PPP1CC: variants seen among roughly 807,000 people sequenced by gnomAD.
The protein encoded by PPP1CC is serine/threonine-protein phosphatase PP1-gamma catalytic subunit.
A neutral mutation model predicts 38.4 loss-of-function variants in PPP1CC; 16 were observed. That is an observed-to-expected ratio of 0.42 (90% CI 0.28 to 0.63). The LOEUF (loss-of-function observed/expected upper bound fraction) is 0.63, where lower values mean the gene tolerates loss of function less well. Among genes scored for constraint, PPP1CC ranks in the 30% least tolerant of loss-of-function variants. The pLI is 0.25. For missense variants in PPP1CC, 170 were observed against 391.3 expected (o/e 0.43, Z 4.77); for synonymous variants, 158 against 136.0 (o/e 1.16, Z -1.13).
At chr12:110,717,425 GCT>G (rs112755036), downstream of PPP1CC, among the ~76,000 whole-genome samples, 2,915 of 152,154 alleles carry the variant, frequency 0.019, 74 homozygotes, top group African/African-American at 0.061. Context: ...TAAGAGTCTC[GCT>G]CTGTCGCCCA....
chr12:110,720,026 G>A lies in PPP1CC; in HGVS notation c.*1050C>T. 1 of 947,222 alleles carries A rather than the reference G, an allele frequency of 1.1e-6. No individual in the cohort carries two copies. The highest frequency in any genetic ancestry group is 1.6e-5 in the South Asian group (1 of 60,826). 58.7% of individuals were successfully genotyped at this position (947,222 alleles called of 1,614,324 possible). ...TTAGTTTAAAAAAGTCATAGGTACTGTGAGTTCTGTATAAACTGGTGGACA... is the reference window on the plus strand; with the variant it reads ...TTAGTTTAAAAAAGTCATAGGTACTATGAGTTCTGTATAAACTGGTGGACA... On this transcript the variant is annotated 3_prime_UTR_variant, in exon 7 of 7. Coordinates refer to ENST00000335007, the MANE Select transcript of PPP1CC (RefSeq NM_002710.4).
chr12:110,708,759 A>C, the PPP1CC span, among the ~76,000 whole-genome samples: 1 of 151,986 alleles, frequency 6.6e-6, no homozygotes, highest in East Asian at 1.9e-4. Context: ...TGAGACAGGA[A>C]AATTGCTTGA....
At chr12:110,735,140 A>G (rs1297091411) in intron 1 of PPP1CC, among the ~76,000 whole-genome samples, 17 of 149,390 alleles carry the variant, frequency 1.1e-4, no homozygotes, top group Non-Finnish European at 2.4e-4. Context: ...TGCAACCTCC[A>G]CCTCCTGGGT....
In PPP1CC at chr12:110,731,816, G is replaced by A. The variant is rs969787797; in HGVS notation, c.141C>T (p.Leu47=). The A allele has an allele frequency of 1.9e-6, 3 of 1,613,590 alleles. No homozygotes were observed. The stretch of plus-strand genomic sequence containing the variant: ...CAAGTTCTAGTAGGATAGGCTGACT[G>A]AGAAAGATTTCACGAGACTTTAAGC... The part of the protein sequence containing the change: ...GLCLKSREIF[L]SQPILLELEA... Residue 47 remains leucine, a synonymous_variant, in exon 2 of 7, where the codon CTC becomes CTT. Coordinates refer to ENST00000335007, the MANE Select transcript of PPP1CC (RefSeq NM_002710.4).
the PPP1CC span, among the ~76,000 whole-genome samples, chr12:110,712,627 A>C: frequency 2.3e-5 from 3 of 131,012 alleles, no homozygotes; most frequent in Middle Eastern, 4.0e-3. Context: ...GCGACAGAGA[A>C]ACTGTCTCAA....
chr12:110,722,739 T>C lies in PPP1CC; in HGVS notation c.524-44A>G, dbSNP rs750776699. The C allele has an allele frequency of 6.7e-7, 1 of 1,490,260 alleles. No individual in the cohort carries two copies. The highest frequency in any genetic ancestry group is 9.1e-7 in the Non-Finnish European group (1 of 1,096,994). The allele number at this position is 1,490,260 out of a possible 1,614,324, so 92.3% of individuals were successfully genotyped here. A position where few individuals can be genotyped will look rare whatever the true frequency, so the allele number is the denominator to read the frequency against. On this transcript the variant is annotated intron_variant, in intron 4 of 6. Transcript: ENST00000335007. The surrounding 1 kb of genome is among the most constrained non-coding windows in gnomAD (Gnocchi z 5.4). Reference sequence around the variant, plus strand: ...AAAAAAATGAAGAAAGCAGAACTTTTAAAAGGATACTACCCCTTCAAAAGT... The same window carrying C: ...AAAAAAATGAAGAAAGCAGAACTTTCAAAAGGATACTACCCCTTCAAAAGT...
Position 110,720,343 on chromosome 12 carries a change from G to A in PPP1CC, c.*733C>T. On this transcript the variant is annotated 3_prime_UTR_variant, in exon 7 of 7. Coordinates refer to ENST00000335007, the MANE Select transcript of PPP1CC (RefSeq NM_002710.4). ...AAACCTGTTTTTGAATCCCCAAGAA[G>A]GCAGCATGTGTATACAACCATACCA... 1.5e-6 allele frequency: 1 copy of A among 688,720 alleles called. No individual in the cohort carries two copies. Among genetic ancestry groups the A allele is most frequent in the Non-Finnish European group, 2.5e-6 (1 of 406,666 alleles). 42.7% of individuals were successfully genotyped at this position (688,720 alleles called of 1,614,324 possible).
chr12:110,730,625 G>A lies in PPP1CC; in HGVS notation c.322C>T (p.Leu108=), dbSNP rs1384152039. The change falls in exon 3 of 7, where the codon CTG becomes TTG. Residue 108 remains leucine, a synonymous_variant. Coordinates refer to ENST00000335007, the MANE Select transcript of PPP1CC (RefSeq NM_002710.4). ...TCAGGATATTTTATTTTGTAGGCCA[G>A]TAAGAGGCAGATCGTCTCCAATGAC... is the stretch of plus-strand genomic sequence containing the variant. ...KQSLETICLL[L]AYKIKYPENF... 2.5e-6 allele frequency: 4 copies of A among 1,614,068 alleles called. No individual in the cohort carries two copies. Among genetic ancestry groups the A allele is most frequent in the Admixed American group, 3.3e-5 (2 of 59,998 alleles).
intron 4 of PPP1CC, among the ~76,000 whole-genome samples, chr12:110,723,954 T>C (rs947502785): frequency 3.3e-5 from 5 of 152,156 alleles, no homozygotes; most frequent in African/African-American, 1.2e-4. Context: ...AAAAACACTC[T>C]TCTGCCGGGC....
intron 6 of PPP1CC, chr12:110,721,733 A>C (rs2069741301): frequency 4.3e-6 from 1 of 230,574 alleles, no homozygotes; most frequent in Non-Finnish European, 8.4e-6. Context: ...ATGTCATGGT[A>C]CATTAACAGA....
At chr12:110,713,415 G>T in the PPP1CC span, among the ~76,000 whole-genome samples, 2 of 152,120 alleles carry the variant, frequency 1.3e-5, no homozygotes, top group Non-Finnish European at 2.9e-5. Flanking sequence ...TTACAGGCGT[G>T]AGCCACCGTG....
intron 1 of PPP1CC, among the ~76,000 whole-genome samples, chr12:110,736,536 C>T (rs150428123): frequency 6.4e-4 from 98 of 152,066 alleles, no homozygotes; most frequent in African/African-American, 2.3e-3. Context: ...CCCAGCTACT[C>T]GGGAGGCTAA....
rs1040558453 is a variant in PPP1CC, at chr12:110,720,818, C to A, written c.*258G>T. On this transcript the variant is annotated 3_prime_UTR_variant, in exon 7 of 7. Transcript: ENST00000335007. ...ACAGGATAAACTGTCCTGGGGTGTA[C>A]AGCTTTAACACCATCATTAAAATTG... 2.3e-5 allele frequency: 8 copies of A among 353,902 alleles called. No individual in the cohort carries two copies. The highest frequency in any genetic ancestry group is 6.9e-5 in the South Asian group (2 of 28,890). The allele number at this position is 353,902 out of a possible 1,614,324, so 21.9% of individuals were successfully genotyped here. A position where few individuals can be genotyped will look rare whatever the true frequency, so the allele number is the denominator to read the frequency against.
intron 2 of PPP1CC, among the ~76,000 whole-genome samples, chr12:110,730,973 T>C (rs1208207940): frequency 3.3e-5 from 5 of 152,236 alleles, no homozygotes; most frequent in African/African-American, 1.2e-4. Flanking sequence ...TATGTGTATG[T>C]CCAGAACCTC....
At chr12:110,736,480 C>T (rs1459682516) in intron 1 of PPP1CC, among the ~76,000 whole-genome samples, 1 of 151,872 alleles carries the variant, frequency 6.6e-6, no homozygotes, top group Non-Finnish European at 1.5e-5. Context: ...TGAGTCTCTA[C>T]CAAAAATACA....
chr12:110,737,521 A>T (rs1192172861), intron 1 of PPP1CC, among the ~76,000 whole-genome samples: 4 of 150,060 alleles, frequency 2.7e-5, no homozygotes, highest in Non-Finnish European at 5.9e-5. Context: ...AGAAAAAAGA[A>T]CCCTTTAAGT....
At chr12:110,728,946 G>GA (rs1292390028) in intron 3 of PPP1CC, among the ~76,000 whole-genome samples, 1 of 152,144 alleles carries the variant, frequency 6.6e-6, no homozygotes, top group Non-Finnish European at 1.5e-5. Context: ...AATTGAGATG[G>GA]AAAAACACTG....
At chr12:110,712,497 A>G in the PPP1CC span, among the ~76,000 whole-genome samples, 14,015 of 150,490 alleles carry the variant, frequency 0.093, 767 homozygotes, top group African/African-American at 0.13. Context: ...AAAATTAGCC[A>G]CGTGTGGTGG....
rs1193435853 is a variant in PPP1CC at position 110,721,005 on chromosome 12, A to C, written c.*71T>G. The C allele has an allele frequency of 7.2e-7, 1 of 1,393,356 alleles. No homozygotes were observed. The highest frequency in any genetic ancestry group is 1.0e-6 in the Non-Finnish European group (1 of 981,950). 86.3% of individuals were successfully genotyped at this position (1,393,356 alleles called of 1,614,324 possible). A position where few individuals can be genotyped will look rare whatever the true frequency, so the allele number is the denominator to read the frequency against. ...TATCTGAGCAAGCTGACCAGTACACATTACAGTCTTAAAAATGAAGGTTAT... is the reference window on the plus strand; with the variant it reads ...TATCTGAGCAAGCTGACCAGTACACCTTACAGTCTTAAAAATGAAGGTTAT... On this transcript the variant is annotated 3_prime_UTR_variant, in exon 7 of 7. Coordinates refer to ENST00000335007, the MANE Select transcript of PPP1CC (RefSeq NM_002710.4).
Sources: gnomAD v4.1 joint callset for allele counts (sites outside exome capture counted in the v4.1 genomes callset) on GRCh38, gnomAD v4.1.1 for gene constraint, Gnocchi (gnomAD v3.1) non-coding constraint, MANE v1.5 for transcripts, NCBI Gene and HGNC (gene_info 2026-07-23, HGNC 2026-07-21) for gene names.